The following NELL1 variants were observed in gnomAD, a reference collection of about 807,000 sequenced individuals.
NELL1 encodes neural EGFL like 1.
In NELL1, 76 loss-of-function variants were observed where a neutral mutation model predicts 107.4. The observed-to-expected ratio is 0.71, with a 90% CI of 0.59 to 0.86. The LOEUF (loss-of-function observed/expected upper bound fraction) is 0.86. Among genes scored for constraint, NELL1 ranks in the 40% least tolerant of loss-of-function variants. NELL1 has a pLI of 0.00. For missense variants in NELL1, 1,024 were observed against 1,005.5 expected (o/e 1.02, Z -0.25); for synonymous variants, 353 against 341.2 (o/e 1.03, Z -0.38).
Position 20,964,259 on chromosome 11 carries a change from G to C in NELL1, c.1300+3699G>C, listed in dbSNP as rs928798356. On this transcript the variant is annotated intron_variant, in intron 12 of 19. Transcript: ENST00000357134. Reference sequence around the variant, plus strand: ...GTGTCTGAGGAAAGTATAGCAATAGGGGCCCTACTCATGATCTTAGTTCTT... The same window carrying C: ...GTGTCTGAGGAAAGTATAGCAATAGCGGCCCTACTCATGATCTTAGTTCTT... 3.3e-5 allele frequency among the ~76,000 whole-genome samples: 5 copies of C among 151,960 alleles called. No homozygotes were observed. In the South Asian group the frequency reaches 1.0e-3, roughly 32 times the overall value.
At chr11:21,152,057 C>A (rs1363166818) in intron 13 of NELL1, among the ~76,000 whole-genome samples, 1 of 152,102 alleles carries the variant, frequency 6.6e-6, no homozygotes, top group African/African-American at 2.4e-5. Flanking sequence ...ATTTAATAGT[C>A]CTGGAATATC....
chr11:20,669,717 G>C lies in NELL1; in HGVS notation c.-7G>C, dbSNP rs1468033429. On this transcript the variant is annotated 5_prime_UTR_variant, in exon 1 of 20. Transcript: ENST00000357134. This position sits in a 1 kb window ranked among gnomAD's most constrained non-coding sequence, Gnocchi z 4.4. ...TGCCCCCTGCTAGGCGGGGACCCTC[G>C]AGAGCGATGCCGATGGATTTGATTT... is the stretch of plus-strand genomic sequence containing the variant. 15 of 1,613,254 alleles carry C rather than the reference G, an allele frequency of 9.3e-6. No homozygotes were observed. The highest frequency in any genetic ancestry group is 1.7e-5 in the Admixed American group (1 of 59,968).
At chr11:20,846,927 G>C (rs1175450042) in intron 3 of NELL1, among the ~76,000 whole-genome samples, 5 of 152,174 alleles carry the variant, frequency 3.3e-5, no homozygotes, top group Admixed American at 1.3e-4. Context: ...ACAGTGGTAA[G>C]GCTAAGAATT....
At chr11:20,835,106 C>T (rs1848510681) in intron 3 of NELL1, among the ~76,000 whole-genome samples, 1 of 152,188 alleles carries the variant, frequency 6.6e-6, no homozygotes, top group Non-Finnish European at 1.5e-5. Flanking sequence ...ATTTTCCCCA[C>T]TCCTGAAGCA....
chr11:20,914,036 G>T (rs557114324), intron 5 of NELL1, among the ~76,000 whole-genome samples: 2 of 152,178 alleles, frequency 1.3e-5, no homozygotes, highest in South Asian at 2.1e-4. Flanking sequence ...GCAACATGTT[G>T]TTGGTTCATG....
At chr11:21,061,131 G>T (rs1232493472) in intron 12 of NELL1, among the ~76,000 whole-genome samples, 1 of 152,172 alleles carries the variant, frequency 6.6e-6, no homozygotes, top group African/African-American at 2.4e-5. Context: ...TTCCTACTGT[G>T]CATTAACCAC....
At chr11:21,324,804 G>C (rs139654451) in intron 14 of NELL1, among the ~76,000 whole-genome samples, 1 of 152,174 alleles carries the variant, frequency 6.6e-6, no homozygotes, top group African/African-American at 2.4e-5. Context: ...GTGAGGCCCA[G>C]AAGGAAGAGG....
Position 20,936,106 on chromosome 11 carries a change from G to A in NELL1, c.998-1680G>A, listed in dbSNP as rs1850719737. Among the ~76,000 whole-genome samples the A allele has an allele frequency of 2.0e-5, 3 of 152,150 alleles. No homozygotes were observed. In the South Asian group the frequency reaches 6.2e-4, roughly 32 times the overall value. ...ATGAGGTGGTGAAGGAAGAAGAATT[G>A]GGCAGAAGGAGAAGTTAAGCTGCAG... On this transcript the variant is annotated intron_variant, in intron 9 of 19. Transcript: ENST00000357134.
chr11:20,828,519 G>T (rs1857934138), intron 3 of NELL1, among the ~76,000 whole-genome samples: 1 of 152,124 alleles, frequency 6.6e-6, no homozygotes, highest in Non-Finnish European at 1.5e-5. Flanking sequence ...TTAACCTAGG[G>T]AGCTTGTTCA....
intron 1 of NELL1, among the ~76,000 whole-genome samples, chr11:20,676,953 C>A (rs1032779619): frequency 6.6e-6 from 1 of 152,152 alleles, no homozygotes; most frequent in East Asian, 1.9e-4. Context: ...GATCACTAGC[C>A]TTATTAATAC....
At chr11:21,423,229 G>A (rs931660315) in intron 15 of NELL1, among the ~76,000 whole-genome samples, 2 of 152,000 alleles carry the variant, frequency 1.3e-5, no homozygotes, top group Non-Finnish European at 2.9e-5. Context: ...AATTAGCTGG[G>A]TGTGGTGGTG....
rs61200664 is a variant in NELL1, at chr11:21,026,723, A to G, written c.1300+66163A>G. ...TGTAAGGCATTGTGTTGAGCAGTCT[A>G]CATTCATTATTAAATTGTAAAATAT... On this transcript the variant is annotated intron_variant, in intron 12 of 19. Coordinates refer to ENST00000357134, the MANE Select transcript of NELL1 (RefSeq NM_006157.5). Among the ~76,000 whole-genome samples, 1,358 of 152,296 alleles carry G rather than the reference A, an allele frequency of 8.9e-3. 22 individuals carry two copies. The highest frequency in any genetic ancestry group is 0.031 in the African/African-American group (1,283 of 41,576).
At chr11:21,354,129 A>G (rs1191780841) in intron 14 of NELL1, among the ~76,000 whole-genome samples, 1 of 152,150 alleles carries the variant, frequency 6.6e-6, no homozygotes, top group Non-Finnish European at 1.5e-5. Flanking sequence ...GATGAGCCCA[A>G]TGTCACATAG....
chr11:20,776,817 A>G (rs1856760789), intron 2 of NELL1, among the ~76,000 whole-genome samples: 1 of 152,220 alleles, frequency 6.6e-6, no homozygotes, highest in South Asian at 2.1e-4. Flanking sequence ...GCATCAGTTG[A>G]ATGCCATGGA....
intron 12 of NELL1, among the ~76,000 whole-genome samples, chr11:20,998,946 G>A (rs1229257327): frequency 6.6e-6 from 1 of 152,090 alleles, no homozygotes; most frequent in African/African-American, 2.4e-5. Flanking sequence ...TCAGACGAAG[G>A]GTGACTTCTA....
At chr11:21,154,774 A>G (rs2852802) in intron 13 of NELL1, among the ~76,000 whole-genome samples, 150,715 of 152,222 alleles carry the variant, frequency 0.99, 74,634 homozygotes, top group East Asian at 1. Flanking sequence ...AAGCAGTGAA[A>G]ATGGAATTTA....
chr11:21,436,958 CATG>C lies in NELL1; in HGVS notation c.1645+66016_1645+66018del, dbSNP rs757684645. Among the ~76,000 whole-genome samples, 61 of 152,110 alleles carry C rather than the reference CATG, an allele frequency of 4.0e-4. 1 individual carries two copies. Among genetic ancestry groups the C allele is most frequent in the Admixed American group, 2.6e-3 (39 of 15,274 alleles). On this transcript the variant is annotated intron_variant, in intron 15 of 19. Coordinates refer to ENST00000357134, the MANE Select transcript of NELL1 (RefSeq NM_006157.5). ...CTTTCATTGATTTCTAGTTTTATTC[CATG>C]ATGATCTGAGAAGGTACTTGATATG...
chr11:21,404,038 TC>T (rs1040695842), intron 15 of NELL1, among the ~76,000 whole-genome samples: 6 of 88,138 alleles, frequency 6.8e-5, no homozygotes, highest in Admixed American at 1.6e-4. Context: ...CACTGGATAT[TC>T]CCCCCGCCAC....
intron 12 of NELL1, among the ~76,000 whole-genome samples, chr11:21,106,885 T>C (rs1175560983): frequency 6.6e-6 from 1 of 152,196 alleles, no homozygotes; most frequent in Non-Finnish European, 1.5e-5. Flanking sequence ...AGTGCAATGA[T>C]TATCTGTGTT....
Sources: allele counts gnomAD v4.1 joint callset (sites outside exome capture counted in the v4.1 genomes callset), GRCh38; gene constraint gnomAD v4.1.1; non-coding constraint Gnocchi (gnomAD v3.1); transcripts MANE v1.5; gene names NCBI Gene and HGNC (gene_info 2026-07-23, HGNC 2026-07-21).